ADAM32: variants seen among roughly 807,000 people sequenced by gnomAD.
ADAM32 encodes disintegrin and metalloproteinase domain-containing protein 32.
A neutral mutation model predicts 114.9 loss-of-function variants in ADAM32; 89 were observed. The observed-to-expected ratio is 0.77, with a 90% CI of 0.65 to 0.92. The LOEUF is 0.92. ADAM32 is among the 40% of genes least tolerant of loss of function. The probability of loss-of-function intolerance (pLI) is 0.00; values close to 1 mark genes in which losing one functional copy is unlikely to be tolerated. For missense variants in ADAM32, 870 were observed against 932.8 expected, an observed-to-expected ratio of 0.93 and a Z score of 0.88; for synonymous variants, 285 against 307.5, an observed-to-expected ratio of 0.93 and a Z score of 0.77.
chr8:39,227,953 C>T (rs1372040334), intron 14 of ADAM32, among the ~76,000 whole-genome samples: 2 of 152,336 alleles, frequency 1.3e-5, no homozygotes, highest in East Asian at 3.9e-4. Flanking sequence ...TCCACCAGAA[C>T]AGTCGCTGGT....
At chr8:39,279,696 A>AT (rs569738586) in intron 22 of ADAM32, among the ~76,000 whole-genome samples, 28 of 149,950 alleles carry the variant, frequency 1.9e-4, no homozygotes, top group Admixed American at 2.7e-4. Flanking sequence ...CTTAATAGCT[A>AT]TTTTTTTTTG....
chr8:39,158,607 A>G, intron 6 of ADAM32: 1 of 276,392 alleles, frequency 3.6e-6, no homozygotes, highest in Non-Finnish European at 7.1e-6. Context: ...ATCACTGGGG[A>G]AGCTCTTCAC....
At chr8:39,138,853 A>T (rs1246543034) in intron 3 of ADAM32, among the ~76,000 whole-genome samples, 2 of 152,194 alleles carry the variant, frequency 1.3e-5, no homozygotes, top group East Asian at 3.8e-4. Context: ...CTGACCGCTT[A>T]AAGATTGCTG....
At chr8:39,281,297 C>T in intron 23 of ADAM32, 123 bp downstream of exon 23, 1 of 345,688 alleles carries the variant, frequency 2.9e-6, no homozygotes, top group Non-Finnish European at 5.1e-6. Flanking sequence ...AAGTCTACAC[C>T]AAACCCAACT....
At chr8:39,135,243 G>T (rs892993993) in intron 2 of ADAM32, among the ~76,000 whole-genome samples, 2 of 152,234 alleles carry the variant, frequency 1.3e-5, no homozygotes, top group African/African-American at 2.4e-5. Context: ...TAAGGAGCTA[G>T]TGTCACCAAT....
At chr8:39,112,211 A>C (rs779303322) in intron 1 of ADAM32, among the ~76,000 whole-genome samples, 2 of 152,190 alleles carry the variant, frequency 1.3e-5, no homozygotes, top group Non-Finnish European at 2.9e-5. Flanking sequence ...AAATATGTGT[A>C]AATGTAGACA....
chr8:39,176,736 A>G (rs985834891), intron 10 of ADAM32, among the ~76,000 whole-genome samples: 14 of 152,140 alleles, frequency 9.2e-5, no homozygotes, highest in Non-Finnish European at 7.4e-5. Flanking sequence ...AGTCCTGTAT[A>G]TCTTTGTTAA....
chr8:39,122,318 A>AG (rs1840619866), intron 2 of ADAM32, among the ~76,000 whole-genome samples: 2 of 152,186 alleles, frequency 1.3e-5, no homozygotes, highest in Admixed American at 1.3e-4. Flanking sequence ...GTATGGAGAT[A>AG]GGACCTTTAA....
intron 9 of ADAM32, chr8:39,168,148 C>A (rs754888490): frequency 1.6e-4 from 25 of 151,916 alleles, no homozygotes; most frequent in Non-Finnish European, 3.1e-4. Flanking sequence ...CCTTGCTGGA[C>A]TGAACAAAGG....
Position 39,246,079 on chromosome 8 carries a change from T to C in ADAM32, c.1819-4T>C, listed in dbSNP as rs1462531327. On this transcript the variant is annotated splice_region_variant and splice_polypyrimidine_tract_variant and intron_variant, in intron 16 of 24. Transcript: ENST00000379907. ...GAACTTTTTTTGTATGTGTTTTTCT[T>C]TAGGTTTGTGTAAATCGTGAATGTG... 6 of 1,613,042 alleles carry C rather than the reference T, an allele frequency of 3.7e-6. No homozygotes were observed. In the South Asian group the frequency reaches 6.6e-5, roughly 18 times the overall value.
In ADAM32 at chr8:39,136,722, A is replaced by C; in HGVS notation, c.200+4A>C. On this transcript the variant is annotated splice_donor_region_variant and intron_variant, in intron 3 of 24. Coordinates refer to ENST00000379907, the MANE Select transcript of ADAM32 (RefSeq NM_145004.7). ...ACACTGTGCACCTTAAACAAAGGTA[A>C]ATTTTTATTCTTTAGTTTTGGATTT... The C allele has an allele frequency of 6.7e-7, 1 of 1,481,530 alleles. No homozygotes were observed. The highest frequency in any genetic ancestry group is 9.1e-7 in the Non-Finnish European group (1 of 1,099,666). 91.8% of individuals were successfully genotyped at this position (1,481,530 alleles called of 1,614,324 possible).
chr8:39,272,294 T>C (rs1812784344), intron 20 of ADAM32, among the ~76,000 whole-genome samples: 1 of 152,176 alleles, frequency 6.6e-6, no homozygotes, highest in Non-Finnish European at 1.5e-5. Context: ...TGTCACAATC[T>C]ATAAAATTCC....
In ADAM32 at chr8:39,117,956, A is replaced by G. The variant is rs991437422; in HGVS notation, c.59-130A>G. 5.8e-6 allele frequency: 3 copies of G among 513,530 alleles called. No individual in the cohort carries two copies. The African/African-American group carries it at 6.1e-5, about 10-fold the overall frequency. 31.8% of individuals were successfully genotyped at this position (513,530 alleles called of 1,614,324 possible). A position where few individuals can be genotyped will look rare whatever the true frequency, so the allele number is the denominator to read the frequency against. The stretch of plus-strand genomic sequence containing the variant: ...CTGTTTTTCAAATTAAGTGTTTTCA[A>G]GCTTTTTATAGAAGTACACAGTGAT... On this transcript the variant is annotated intron_variant, in intron 1 of 24. Transcript: ENST00000379907.
chr8:39,210,334 T>C (rs2129448312), intron 11 of ADAM32, among the ~76,000 whole-genome samples: 1 of 152,352 alleles, frequency 6.6e-6, no homozygotes, highest in Admixed American at 6.5e-5. Context: ...CTGTCATTCC[T>C]ATGCTCTTCA....
intron 11 of ADAM32, among the ~76,000 whole-genome samples, chr8:39,205,657 G>C (rs1190229952): frequency 1.3e-5 from 2 of 152,230 alleles, no homozygotes; most frequent in Admixed American, 1.3e-4. Flanking sequence ...AAGCCCCAGT[G>C]AGATGAACCT....
intron 11 of ADAM32, among the ~76,000 whole-genome samples, chr8:39,190,022 G>A (rs925006830): frequency 6.6e-6 from 1 of 152,106 alleles, no homozygotes; most frequent in African/African-American, 2.4e-5. Context: ...ATTTCACCAT[G>A]TTAGCCAGGA....
At chr8:39,125,826 A>C (rs1232878478) in intron 2 of ADAM32, among the ~76,000 whole-genome samples, 1 of 152,112 alleles carries the variant, frequency 6.6e-6, no homozygotes, top group Non-Finnish European at 1.5e-5. Context: ...TCCATCTTGA[A>C]TTACTTTTTG....
intron 15 of ADAM32, 48 bp from the exon 16 acceptor site, chr8:39,233,851 A>G (rs746238977): frequency 1.7e-6 from 2 of 1,192,566 alleles, no homozygotes; most frequent in African/African-American, 1.6e-5. Context: ...AAGCATTCCT[A>G]ATAAATTCCT....
chr8:39,259,045 C>G (rs971340697), intron 19 of ADAM32, among the ~76,000 whole-genome samples: 7 of 152,094 alleles, frequency 4.6e-5, no homozygotes, highest in Admixed American at 2.6e-4. Context: ...TTATAAACAG[C>G]CTTTATATGA....
Sources: gnomAD v4.1 joint callset for allele counts (sites outside exome capture counted in the v4.1 genomes callset) on GRCh38, gnomAD v4.1.1 for gene constraint, MANE v1.5 for transcripts, NCBI Gene and HGNC (gene_info 2026-07-23, HGNC 2026-07-21) for gene names.